The following UTRN variants were observed in gnomAD, a reference collection of about 807,000 sequenced individuals.
The protein encoded by UTRN is dystrophin-related protein 1.
Under a neutral mutation model 463.9 loss-of-function variants are expected in UTRN, and 283 were observed. That is an observed-to-expected ratio of 0.61 (90% CI 0.55 to 0.67). The LOEUF (loss-of-function observed/expected upper bound fraction) is 0.67. UTRN is among the 30% of genes least tolerant of loss of function. The pLI is 0.00. For missense variants in UTRN, 3,922 were observed against 4,084.3 expected, an observed-to-expected ratio of 0.96 and a Z score of 1.08; for synonymous variants, 1,442 against 1,431.5, an observed-to-expected ratio of 1.01 and a Z score of -0.17.
At chr6:144,788,022 A>C (rs1190835630) in intron 61 of UTRN, among the ~76,000 whole-genome samples, 1 of 152,176 alleles carries the variant, frequency 6.6e-6, no homozygotes, top group Non-Finnish European at 1.5e-5. Flanking sequence ...ACTGTGACTA[A>C]CATTTGGTAG....
rs560581181 is a variant in UTRN at position 144,347,837 on chromosome 6, G to GTTTTTTTTTTTTTTTTTT, written c.80-55274_80-55273insTTTTTTTTTTTTTTTTTT. ...TCTCCTGAACTGTGGCTTATTCTTT[G>GTTTTTTTTTTTTTTTTTT]TTTTTTTTTTTTGTTTTTTTTTTTG... On this transcript the variant is annotated intron_variant, in intron 2 of 74. Transcript: ENST00000367545. Among the ~76,000 whole-genome samples the GTTTTTTTTTTTTTTTTTT allele has an allele frequency of 6.4e-4, 82 of 128,902 alleles. 7 individuals carry two copies. Among genetic ancestry groups the GTTTTTTTTTTTTTTTTTT allele is most frequent in the African/African-American group, 2.5e-3 (74 of 29,468 alleles). 84.6% of individuals were successfully genotyped at this position (128,902 alleles called of 152,430 possible). A position where few individuals can be genotyped will look rare whatever the true frequency, so the allele number is the denominator to read the frequency against.
chr6:144,692,506 C>T (rs113346762), intron 52 of UTRN, among the ~76,000 whole-genome samples: 66 of 152,308 alleles, frequency 4.3e-4, no homozygotes, highest in African/African-American at 1.5e-3. Flanking sequence ...TACACTCCAA[C>T]CAACAGTGTA....
chr6:144,313,131 ACACTATGTCAAGTTCTAGTC>A (rs1775046220), intron 2 of UTRN, among the ~76,000 whole-genome samples: 1 of 152,192 alleles, frequency 6.6e-6, no homozygotes, highest in Non-Finnish European at 1.5e-5. Context: ...TTGCCCCTCA[ACACTATGTCAAGTTCTAGTC>A]CAAGGAAAGA....
intron 51 of UTRN, among the ~76,000 whole-genome samples, chr6:144,661,395 T>G (rs1779847678): frequency 6.6e-6 from 1 of 152,192 alleles, no homozygotes; most frequent in African/African-American, 2.4e-5. Flanking sequence ...CCCTCCTGGC[T>G]GCAGTTGCTT....
At chr6:144,623,261 A>G (rs1376628915) in intron 51 of UTRN, among the ~76,000 whole-genome samples, 1 of 152,240 alleles carries the variant, frequency 6.6e-6, no homozygotes, top group Non-Finnish European at 1.5e-5. Context: ...TATTTTATCA[A>G]TCAGAAATAT....
At chr6:144,667,847 C>G (rs538451901) in intron 51 of UTRN, among the ~76,000 whole-genome samples, 1 of 152,306 alleles carries the variant, frequency 6.6e-6, no homozygotes, top group South Asian at 2.1e-4. Context: ...GAATCATTAT[C>G]TGGCTCTGTT....
intron 23 of UTRN, 34 bp downstream of exon 23, chr6:144,462,900 T>C (rs967781250): frequency 2.0e-6 from 3 of 1,493,456 alleles, no homozygotes; most frequent in Non-Finnish European, 2.8e-6. Flanking sequence ...TTTAAGTTTA[T>C]TACGGGGTAA....
rs768654360 is a variant in UTRN, at chr6:144,846,768, A to G, written c.10271-37A>G. 32 of 1,613,846 alleles carry G rather than the reference A, an allele frequency of 2.0e-5. No individual in the cohort carries two copies. The Admixed American group carries it at 5.0e-4, about 25-fold the overall frequency. ...GAGTTGGAACCAACAAAGTAACAGG[A>G]CTGCCATTAAGTGATTTCTTTTGTT... On this transcript the variant is annotated intron_variant, in intron 73 of 74. Transcript: ENST00000367545.
chr6:144,622,596 G>T (rs1256403170), intron 51 of UTRN, among the ~76,000 whole-genome samples: 2 of 152,066 alleles, frequency 1.3e-5, no homozygotes, highest in East Asian at 3.8e-4. Flanking sequence ...AAATATATTG[G>T]TTTACTATTT....
intron 54 of UTRN, among the ~76,000 whole-genome samples, chr6:144,744,539 A>G (rs1790484384): frequency 1.3e-5 from 2 of 149,170 alleles, no homozygotes; most frequent in South Asian, 4.3e-4. Flanking sequence ...ATATAATTCT[A>G]CCCTCAAATT....
intron 50 of UTRN, among the ~76,000 whole-genome samples, chr6:144,574,296 A>T (rs1801224490): frequency 6.6e-6 from 1 of 152,212 alleles, no homozygotes; most frequent in African/African-American, 2.4e-5. Context: ...GGTTGATGAC[A>T]TTCAAGAATG....
At chr6:144,459,870 T>C (rs1428310036) in intron 21 of UTRN, among the ~76,000 whole-genome samples, 5 of 152,050 alleles carry the variant, frequency 3.3e-5, no homozygotes, top group Admixed American at 1.3e-4. Flanking sequence ...GTGTAAGCCA[T>C]TATAACAGGT....
intron 2 of UTRN, among the ~76,000 whole-genome samples, chr6:144,322,817 C>T (rs938998662): frequency 2.0e-5 from 3 of 152,036 alleles, no homozygotes; most frequent in African/African-American, 7.2e-5. Flanking sequence ...GTGGCGGGCT[C>T]CTGTAGTCCC....
chr6:144,668,096 G>A (rs1408056130), intron 51 of UTRN, among the ~76,000 whole-genome samples: 3 of 152,152 alleles, frequency 2.0e-5, no homozygotes, highest in Admixed American at 6.5e-5. Flanking sequence ...ATTAAACTTT[G>A]TGTTCATCTC....
intron 56 of UTRN, among the ~76,000 whole-genome samples, chr6:144,753,567 T>A (rs752119284): frequency 3.3e-5 from 5 of 152,056 alleles, no homozygotes; most frequent in Admixed American, 6.6e-5. Context: ...TACAGTGAGC[T>A]ATGTTTGTGC....
chr6:144,637,809 C>T (rs893696109), intron 51 of UTRN, among the ~76,000 whole-genome samples: 11 of 152,186 alleles, frequency 7.2e-5, no homozygotes, highest in African/African-American at 1.7e-4. Context: ...GCTGGGAGCC[C>T]TGTGCTCAAT....
At chr6:144,654,657 A>T (rs1258057398) in intron 51 of UTRN, among the ~76,000 whole-genome samples, 1 of 152,238 alleles carries the variant, frequency 6.6e-6, no homozygotes, top group African/African-American at 2.4e-5. Flanking sequence ...CATATGCTAC[A>T]GGCTTGTGCT....
chr6:144,770,241 G>A (rs1318800888), intron 58 of UTRN, among the ~76,000 whole-genome samples: 8 of 152,072 alleles, frequency 5.3e-5, no homozygotes, highest in African/African-American at 1.9e-4. Context: ...ATATTTCCGG[G>A]ATACGTACCC....
At chr6:144,469,350 A>C (rs943444292) in intron 23 of UTRN, among the ~76,000 whole-genome samples, 1 of 152,178 alleles carries the variant, frequency 6.6e-6, no homozygotes, top group African/African-American at 2.4e-5. Flanking sequence ...TGTAGATCTT[A>C]GTATAATAAT....
Sources: gnomAD v4.1 joint callset for allele counts (sites outside exome capture counted in the v4.1 genomes callset) on GRCh38, gnomAD v4.1.1 for gene constraint, MANE v1.5 for transcripts, NCBI Gene and HGNC (gene_info 2026-07-23, HGNC 2026-07-21) for gene names.